The following CPLX2 variants were observed in gnomAD, a reference collection of about 807,000 sequenced individuals.
CPLX2 encodes complexin-2.
Under a neutral mutation model 16.3 loss-of-function variants are expected in CPLX2, and 5 were observed. That is an observed-to-expected ratio of 0.31 (90% confidence interval 0.16 to 0.64). The LOEUF is 0.64. CPLX2 is among the 30% of genes least tolerant of loss of function. The pLI is 0.79. For missense variants in CPLX2, 144 were observed against 181.4 expected (o/e 0.79, Z 1.18); for synonymous variants, 89 against 73.2 (o/e 1.22, Z -1.10).
In CPLX2 at chr5:175,879,933, A is replaced by G. The variant is rs1459867146; in HGVS notation, c.293A>G (p.Lys98Arg). ...QPCEGSLTRP[K>R]KAIPAGCGDE... is the part of the protein sequence containing the mutation. ...TGCGAGGGGAGCCTGACCCGGCCCAAGAAGGCCATCCCTGCGGGCTGCGGG... is the reference window on the plus strand; with the variant it reads ...TGCGAGGGGAGCCTGACCCGGCCCAGGAAGGCCATCCCTGCGGGCTGCGGG... The change falls in exon 4 of 4, where the codon AAG becomes AGG. Residue 98 changes from lysine (K) to arginine (R), a missense_variant. Transcript: ENST00000393745. The G allele has an allele frequency of 1.2e-6, 2 of 1,613,908 alleles. No individual in the cohort carries two copies. Among genetic ancestry groups the G allele is most frequent in the Non-Finnish European group, 1.7e-6 (2 of 1,179,992 alleles).
chr5:175,838,181 TG>T (rs1248036909), intron 2 of CPLX2, among the ~76,000 whole-genome samples: 2 of 151,384 alleles, frequency 1.3e-5, no homozygotes, highest in Non-Finnish European at 2.9e-5. Context: ...TAATGGGTCC[TG>T]GGGCAGACAG....
Position 175,830,788 on chromosome 5 carries a change from C to T in CPLX2, c.-89+21720C>T, listed in dbSNP as rs889308643. ...CCCTGTGGGCTGGGGGCAGCGTTCA[C>T]CCTGCTCACAGCTCAGCCAAGAAGC... is the stretch of plus-strand genomic sequence containing the variant. On this transcript the variant is annotated intron_variant, in intron 2 of 4. Coordinates refer to the CPLX2 transcript ENST00000359546. This position sits in a 1 kb window ranked among gnomAD's most constrained non-coding sequence, Gnocchi z 4.0. Among the ~76,000 whole-genome samples, 9 of 152,180 alleles carry T rather than the reference C, an allele frequency of 5.9e-5. No homozygotes were observed. Among genetic ancestry groups the T allele is most frequent in the African/African-American group, 2.2e-4 (9 of 41,434 alleles).
rs878887863 is a variant in CPLX2, at chr5:175,881,919, T to A, written c.*1874T>A. 1.3e-5 allele frequency: 2 copies of A among 152,722 alleles called. No homozygotes were observed. The highest frequency in any genetic ancestry group is 4.1e-4 in the South Asian group (2 of 4,838). The allele number at this position is 152,722 out of a possible 1,614,324, so 9.5% of individuals were successfully genotyped here. On this transcript the variant is annotated 3_prime_UTR_variant, in exon 4 of 4. Transcript: ENST00000393745. ...GCAGGTTTTCCATTTTAGTGGGTTC[T>A]GCTTTTATTTCAGAGACAGACATGT...
intron 2 of CPLX2, among the ~76,000 whole-genome samples, chr5:175,852,082 G>A (rs898893048): frequency 1.3e-5 from 2 of 152,140 alleles, no homozygotes; most frequent in Non-Finnish European, 1.5e-5. Context: ...AAACCTCAGC[G>A]CACAGCCTGT....
intron 2 of CPLX2, among the ~76,000 whole-genome samples, chr5:175,818,684 C>A (rs1373590872): frequency 7.1e-4 from 53 of 74,996 alleles, no homozygotes; most frequent in Admixed American, 1.8e-3. Context: ...TTTTTTGAGA[C>A]AGAGTCTTGC....
intron 1 of CPLX2, among the ~76,000 whole-genome samples, chr5:175,800,677 A>G (rs748787506): frequency 6.6e-6 from 1 of 152,160 alleles, no homozygotes; most frequent in Non-Finnish European, 1.5e-5. Context: ...GGACTTGGTG[A>G]GCATCTCCTC....
At chr5:175,826,287 A>G (rs1258319390) in intron 2 of CPLX2, among the ~76,000 whole-genome samples, 1 of 152,178 alleles carries the variant, frequency 6.6e-6, no homozygotes, top group African/African-American at 2.4e-5. Flanking sequence ...CAAAGATGGG[A>G]CCACATGAGA....
chr5:175,878,793 G>T, intron 2 of CPLX2, 23 bp downstream of exon 2: 2 of 1,612,378 alleles, frequency 1.2e-6, no homozygotes, highest in Non-Finnish European at 1.7e-6. Flanking sequence ...GCCCCTCCGC[G>T]TGTCCTCAGC....
At chr5:175,846,611 G>T (rs1363716399) in intron 2 of CPLX2, among the ~76,000 whole-genome samples, 1 of 152,072 alleles carries the variant, frequency 6.6e-6, no homozygotes, top group Non-Finnish European at 1.5e-5. Flanking sequence ...AGACTCAGAG[G>T]GACAAAGAGG....
intron 2 of CPLX2, among the ~76,000 whole-genome samples, chr5:175,826,628 C>T (rs1228686978): frequency 6.6e-5 from 10 of 151,690 alleles, no homozygotes; most frequent in Admixed American, 5.9e-4. Flanking sequence ...GGGAAGGAGA[C>T]GAAGAAAGGA....
At chr5:175,866,595 G>A (rs543840731), upstream of CPLX2, among the ~76,000 whole-genome samples, 217 of 152,190 alleles carry the variant, frequency 1.4e-3, no homozygotes, top group African/African-American at 5.0e-3. Context: ...AGGGTGGGAC[G>A]GGATGAAGGC....
intron 2 of CPLX2, among the ~76,000 whole-genome samples, chr5:175,858,527 C>T (rs957903375): frequency 2.2e-4 from 34 of 152,326 alleles, no homozygotes; most frequent in African/African-American, 6.7e-4. Context: ...GCTCAGCCCC[C>T]GGGGGCCAGT....
intron 2 of CPLX2, among the ~76,000 whole-genome samples, chr5:175,854,562 G>A (rs867604436): frequency 6.6e-6 from 1 of 152,188 alleles, no homozygotes; most frequent in Non-Finnish European, 1.5e-5. Flanking sequence ...TGCCTGGCAG[G>A]TGGTGAGCAC....
rs947848403 is a variant in CPLX2 at position 175,872,317 on chromosome 5, C to T, written c.-89+612C>T. ...CTATTTGTCCCTTTCCGGGAGGAGC[C>T]GCCGCTTGGACAGCGCACGCCCGCC... On this transcript the variant is annotated intron_variant, in intron 1 of 3. Transcript: ENST00000393745. This position sits in a 1 kb window ranked among gnomAD's most constrained non-coding sequence, Gnocchi z 5.0. 4.6e-5 allele frequency: 7 copies of T among 152,618 alleles called. No homozygotes were observed. Among genetic ancestry groups the T allele is most frequent in the African/African-American group, 1.2e-4 (5 of 41,432 alleles). The allele number at this position is 152,618 out of a possible 1,614,324, so 9.5% of individuals were successfully genotyped here.
intron 3 of CPLX2, 114 bp downstream of exon 3, chr5:175,879,197 C>A (rs1581107480): frequency 1.8e-6 from 2 of 1,111,316 alleles, no homozygotes; most frequent in Non-Finnish European, 2.5e-6. Flanking sequence ...CGCCCTAGTT[C>A]TGAGCCTCAC....
chr5:175,836,341 C>T (rs1758840770), intron 2 of CPLX2, among the ~76,000 whole-genome samples: 2 of 151,048 alleles, frequency 1.3e-5, no homozygotes. Flanking sequence ...CAGAGCGAGA[C>T]TCCGTCTCAA....
intron 2 of CPLX2, among the ~76,000 whole-genome samples, chr5:175,850,044 G>A (rs964064384): frequency 6.6e-6 from 1 of 152,234 alleles, no homozygotes; most frequent in African/African-American, 2.4e-5. Flanking sequence ...TCTGTGCAGC[G>A]GGCCACACCA....
Position 175,835,728 on chromosome 5 carries a change from C to CTTTTTT in CPLX2, c.-89+26683_-89+26688dup, listed in dbSNP as rs71575283. On this transcript the variant is annotated intron_variant, in intron 2 of 4. Coordinates refer to the CPLX2 transcript ENST00000359546. ...TTTTATTTATTTATTTATTTATTTACTTTTTTTTTTTTTTTTTTTTTTTTT... is the reference window on the plus strand; with the variant it reads ...TTTTATTTATTTATTTATTTATTTACTTTTTTTTTTTTTTTTTTTTTTTTTTTTTTT... 2.4e-4 allele frequency among the ~76,000 whole-genome samples: 13 copies of CTTTTTT among 54,800 alleles called. 1 individual carries two copies. Among genetic ancestry groups the CTTTTTT allele is most frequent in the Non-Finnish European group, 3.1e-4 (10 of 31,820 alleles). The allele number at this position is 54,800 out of a possible 152,430, so 36.0% of individuals were successfully genotyped here. A position where few individuals can be genotyped will look rare whatever the true frequency, so the allele number is the denominator to read the frequency against.
chr5:175,801,788 G>T (rs533199591), intron 1 of CPLX2, among the ~76,000 whole-genome samples: 1 of 152,344 alleles, frequency 6.6e-6, no homozygotes, highest in East Asian at 1.9e-4. Context: ...GGCGAGCCGG[G>T]AGCACATGCC....
Sources: gnomAD v4.1 joint callset for allele counts (sites outside exome capture counted in the v4.1 genomes callset) on GRCh38, gnomAD v4.1.1 for gene constraint, Gnocchi (gnomAD v3.1) non-coding constraint, MANE v1.5 for transcripts, NCBI Gene and HGNC (gene_info 2026-07-23, HGNC 2026-07-21) for gene names.